Variants in FNBP1 observed in about 807,000 individuals in gnomAD.
The protein encoded by FNBP1 is formin binding protein 1, also known as formin-binding protein 1.
Under a neutral mutation model 90.6 loss-of-function variants are expected in FNBP1, and 26 were observed. That is an observed-to-expected ratio of 0.29 (90% CI 0.21 to 0.40). FNBP1 has a LOEUF of 0.40. Among genes scored for constraint, FNBP1 ranks in the 10% least tolerant of loss-of-function variants. The pLI is 1.00. For missense variants in FNBP1, 635 were observed against 768.0 expected (o/e 0.83, Z 2.05); for synonymous variants, 260 against 265.2 (o/e 0.98, Z 0.19).
rs2036644072 is a variant in FNBP1 at position 129,900,213 on chromosome 9, G to A, written c.1551-112C>T. ...GCAACCCCGCCCCTCAGCGAGTGCT[G>A]TAACTGAGGCCATGGTAAATCATCG... is the stretch of plus-strand genomic sequence containing the variant. On this transcript the variant is annotated intron_variant, in intron 14 of 16. Coordinates refer to ENST00000446176, the MANE Select transcript of FNBP1 (RefSeq NM_015033.3). This position sits in a 1 kb window ranked among gnomAD's most constrained non-coding sequence, Gnocchi z 4.1. 1.6e-6 allele frequency: 2 copies of A among 1,251,080 alleles called. No individual in the cohort carries two copies. The highest frequency in any genetic ancestry group is 2.2e-6 in the Non-Finnish European group (2 of 925,044). The allele number at this position is 1,251,080 out of a possible 1,614,324, so 77.5% of individuals were successfully genotyped here. A position where few individuals can be genotyped will look rare whatever the true frequency, so the allele number is the denominator to read the frequency against.
chr9:129,898,265 A>G (rs2036169051), intron 15 of FNBP1, among the ~76,000 whole-genome samples: 1 of 152,148 alleles, frequency 6.6e-6, no homozygotes, highest in Non-Finnish European at 1.5e-5. Flanking sequence ...TGTTTGCCAC[A>G]TAAAACCCAG....
intron 1 of FNBP1, among the ~76,000 whole-genome samples, chr9:130,004,192 C>T (rs1029613852): frequency 1.5e-4 from 23 of 150,236 alleles, no homozygotes; most frequent in African/African-American, 4.4e-4. Context: ...GAACCTGGGA[C>T]GTAGATGTTG....
Position 129,890,687 on chromosome 9 carries a change from G to A in FNBP1, c.1847-141C>T, listed in dbSNP as rs565028516. ...TGGGAGGGGAGGGATGGGAGGGGGC[G>A]TCTTAGAGCAATCGGTTACCACAGG... is the stretch of plus-strand genomic sequence containing the variant. On this transcript the variant is annotated intron_variant, in intron 16 of 16. Transcript: ENST00000446176. The surrounding 1 kb of genome is among the most constrained non-coding windows in gnomAD (Gnocchi z 5.8). 1.9e-5 allele frequency: 13 copies of A among 677,220 alleles called. No homozygotes were observed. Among genetic ancestry groups the A allele is most frequent in the Admixed American group, 1.3e-4 (6 of 44,942 alleles). The allele number at this position is 677,220 out of a possible 1,614,324, so 42.0% of individuals were successfully genotyped here.
intron 4 of FNBP1, among the ~76,000 whole-genome samples, chr9:129,961,495 A>AT (rs1174477952): frequency 1.3e-5 from 2 of 152,196 alleles, no homozygotes; most frequent in Non-Finnish European, 2.9e-5. Flanking sequence ...AGTGCTAGAA[A>AT]TATGCAGAAA....
chr9:129,929,547 G>T lies in FNBP1; in HGVS notation c.642+20C>A. On this transcript the variant is annotated intron_variant, in intron 7 of 16. Transcript: ENST00000446176. ...AAGCAAAGCATAAAACATGAAATCT[G>T]AGAGATGTTCAGGACTTACCTGGAA... The T allele has an allele frequency of 6.2e-7, 1 of 1,610,638 alleles. No homozygotes were observed. Among genetic ancestry groups the T allele is most frequent in the South Asian group, 1.1e-5 (1 of 90,720 alleles).
intron 5 of FNBP1, 50 bp downstream of exon 5, chr9:129,958,440 AG>A (rs1554816087): frequency 1.1e-6 from 1 of 934,950 alleles, no homozygotes; most frequent in Non-Finnish European, 1.5e-6. Context: ...TCAAAAAAAA[AG>A]AAAAAAAAAT....
chr9:129,920,641 T>G (rs1158675575), intron 10 of FNBP1, among the ~76,000 whole-genome samples: 2 of 152,226 alleles, frequency 1.3e-5, no homozygotes, highest in African/African-American at 4.8e-5. Flanking sequence ...TATTGATTAC[T>G]GAATTCTTTG....
rs145766506 is a variant in FNBP1, at chr9:129,904,409, C to CA, written c.1296-1409_1296-1408insT. 7.7e-3 allele frequency among the ~76,000 whole-genome samples: 1,175 copies of CA among 152,272 alleles called. 5 individuals are homozygous for CA. The highest frequency in any genetic ancestry group is 0.027 in the African/African-American group (1,119 of 41,548). ...CTAATTTTACCCTTGTTGCAGGGCACTTTTGGTAGGCTTCGAGTCATTAAA... is the reference window on the plus strand; with the variant it reads ...CTAATTTTACCCTTGTTGCAGGGCACATTTTGGTAGGCTTCGAGTCATTAAA... On this transcript the variant is annotated intron_variant, in intron 12 of 16. Transcript: ENST00000446176.
intron 9 of FNBP1, 98 bp downstream of exon 9, chr9:129,924,862 T>C (rs2041641279): frequency 9.4e-7 from 1 of 1,069,104 alleles, no homozygotes; most frequent in Non-Finnish European, 1.3e-6. Flanking sequence ...TTTTGCATTC[T>C]GAAACTACAG....
At chr9:129,913,917 A>C (rs1388600834) in intron 11 of FNBP1, among the ~76,000 whole-genome samples, 1 of 150,922 alleles carries the variant, frequency 6.6e-6, no homozygotes, top group Non-Finnish European at 1.5e-5. Context: ...GTTTCATTCT[A>C]TCACCCAAGG....
intron 2 of FNBP1, 42 bp downstream of exon 2, chr9:129,994,801 C>A (rs2053736098): frequency 3.5e-6 from 3 of 866,946 alleles, no homozygotes; most frequent in Admixed American, 2.0e-5. Flanking sequence ...ATCCTTACAT[C>A]ATTTTGCAGT....
rs1219282532 is a variant in FNBP1 at position 129,899,954 on chromosome 9, T to C, written c.1687+11A>G. 1 of 1,575,310 alleles carries C rather than the reference T, an allele frequency of 6.3e-7. No individual in the cohort carries two copies. Among genetic ancestry groups the C allele is most frequent in the Admixed American group, 1.9e-5 (1 of 53,868 alleles). ...AAAAGGCAGGGGAATCCAGCAGACA[T>C]GAAATGTCACCTTCAAATGTGTAGA... On this transcript the variant is annotated intron_variant, in intron 15 of 16. Transcript: ENST00000446176.
chr9:129,991,919 A>C (rs1692429037), intron 2 of FNBP1, among the ~76,000 whole-genome samples: 1 of 152,158 alleles, frequency 6.6e-6, no homozygotes, highest in African/African-American at 2.4e-5. Flanking sequence ...TCAGCCTCCC[A>C]AAGTGCTGGG....
At chr9:129,921,301 T>G (rs577287720) in intron 10 of FNBP1, among the ~76,000 whole-genome samples, 1 of 152,054 alleles carries the variant, frequency 6.6e-6, no homozygotes, top group Non-Finnish European at 1.5e-5. Flanking sequence ...GGTCTCACTC[T>G]GTTGCCCTGG....
chr9:129,895,423 G>A (rs2035551197), intron 16 of FNBP1: 1 of 1,102,560 alleles, frequency 9.1e-7, no homozygotes, highest in African/African-American at 1.6e-5. Flanking sequence ...CTCAGTGTAT[G>A]GTGGATACTA....
intron 1 of FNBP1, among the ~76,000 whole-genome samples, chr9:130,009,310 A>T (rs2056222902): frequency 1.3e-5 from 2 of 152,154 alleles, no homozygotes; most frequent in Admixed American, 1.3e-4. Flanking sequence ...TGAGCATCTG[A>T]CTCAAGGACT....
Position 129,957,101 on chromosome 9 carries a change from G to A in FNBP1, c.513+259C>T, listed in dbSNP as rs2047069705. On this transcript the variant is annotated intron_variant, in intron 6 of 16. Transcript: ENST00000446176. This position sits in a 1 kb window ranked among gnomAD's most constrained non-coding sequence, Gnocchi z 4.3. ...TACCCAGGCTGGAGTGCAGTGGCGT[G>A]ATCTTGGCTCACTGCAGCCAACGCC... Among the ~76,000 whole-genome samples the A allele has an allele frequency of 6.7e-6, 1 of 148,824 alleles. No homozygotes were observed. The highest frequency in any genetic ancestry group is 2.5e-5 in the African/African-American group (1 of 40,340).
chr9:130,043,023 T>TG lies in FNBP1; in HGVS notation c.-49dup, dbSNP rs1021346062. 8.2e-7 allele frequency: 1 copy of TG among 1,223,274 alleles called. No homozygotes were observed. Among genetic ancestry groups the TG allele is most frequent in the Admixed American group, 4.3e-5 (1 of 23,388 alleles). The allele number at this position is 1,223,274 out of a possible 1,614,324, so 75.8% of individuals were successfully genotyped here. A position where few individuals can be genotyped will look rare whatever the true frequency, so the allele number is the denominator to read the frequency against. ...GCTCCGCGCGGCGGGCGCGGCTCTC[T>TG]GGTCCCCCTCCCCGGCGATCCCTTT... On this transcript the variant is annotated 5_prime_UTR_variant, in exon 1 of 17. Coordinates refer to ENST00000446176, the MANE Select transcript of FNBP1 (RefSeq NM_015033.3).
At chr9:129,913,823 A>C (rs543468480) in intron 11 of FNBP1, among the ~76,000 whole-genome samples, 58 of 152,060 alleles carry the variant, frequency 3.8e-4, no homozygotes, top group African/African-American at 1.3e-3. Context: ...CCCCCACCCC[A>C]AAATAGCACA....
Sources: allele counts gnomAD v4.1 joint callset (sites outside exome capture counted in the v4.1 genomes callset), GRCh38; gene constraint gnomAD v4.1.1; non-coding constraint Gnocchi (gnomAD v3.1); transcripts MANE v1.5; gene names NCBI Gene and HGNC (gene_info 2026-07-23, HGNC 2026-07-21).